DHRSX: variants seen among roughly 807,000 people sequenced by gnomAD.
DHRSX encodes the protein polyprenol dehydrogenase.
In DHRSX, 31 loss-of-function variants were observed where a neutral mutation model predicts 34.0. That is an observed-to-expected ratio of 0.91 (90% CI 0.69 to 1.23). The LOEUF is 1.23. DHRSX is among the 50% of genes most tolerant of loss of function. The probability of loss-of-function intolerance (pLI) is 0.00; values close to 1 mark genes in which losing one functional copy is unlikely to be tolerated. For missense variants in DHRSX, 414 were observed against 428.1 expected, an observed-to-expected ratio of 0.97 and a Z score of 0.29; for synonymous variants, 201 against 183.8, an observed-to-expected ratio of 1.09 and a Z score of -0.76.
At chrX:2,332,872 G>T (rs1379947591) in intron 3 of DHRSX, among the ~76,000 whole-genome samples, 3 of 152,126 alleles carry the variant, frequency 2.0e-5, no homozygotes, top group Non-Finnish European at 4.4e-5. Flanking sequence ...GTTGTCTAAC[G>T]TGTATTCAGA....
intron 3 of DHRSX, among the ~76,000 whole-genome samples, chrX:2,323,879 G>C (rs1480897064): frequency 1.3e-5 from 2 of 151,974 alleles, no homozygotes; most frequent in Admixed American, 6.6e-5. Context: ...CAGGGGTTAA[G>C]AAGAAATGAC....
intron 3 of DHRSX, among the ~76,000 whole-genome samples, chrX:2,342,537 T>C (rs2042653782): frequency 6.6e-6 from 1 of 151,746 alleles, no homozygotes; most frequent in African/African-American, 2.4e-5. Context: ...TGTCTGAGCA[T>C]AAAAATAGCC....
chrX:2,485,822 A>AAGAAG (rs1453973978), intron 1 of DHRSX, among the ~76,000 whole-genome samples: 1 of 63,428 alleles, frequency 1.6e-5, no homozygotes. Context: ...GAGAGAAGGA[A>AAGAAG]GGAAGGGAGA....
chrX:2,494,329 A>C (rs2045229887), intron 1 of DHRSX, among the ~76,000 whole-genome samples: 1 of 151,964 alleles, frequency 6.6e-6, no homozygotes, highest in South Asian at 2.1e-4. Context: ...TTTTCATTCT[A>C]TCATTATTAT....
At chrX:2,322,109 T>A (rs1480875692) in intron 3 of DHRSX, among the ~76,000 whole-genome samples, 1 of 151,872 alleles carries the variant, frequency 6.6e-6, no homozygotes, top group Non-Finnish European at 1.5e-5. Context: ...GTAGTGTTTA[T>A]CCCTCACCCC....
At chrX:2,414,648 C>T (rs1158428162) in intron 2 of DHRSX, among the ~76,000 whole-genome samples, 1 of 151,924 alleles carries the variant, frequency 6.6e-6, no homozygotes, top group Non-Finnish European at 1.5e-5. Flanking sequence ...CATAACCTAA[C>T]CCAACTAGGT....
intron 3 of DHRSX, among the ~76,000 whole-genome samples, chrX:2,347,689 CTAAA>C (rs1875106249): frequency 6.6e-6 from 1 of 152,076 alleles, no homozygotes; most frequent in Admixed American, 6.6e-5. Context: ...GACTCTGTCT[CTAAA>C]TAAATAAATA....
chrX:2,463,493 T>TGGGG (rs1455613769), intron 1 of DHRSX, among the ~76,000 whole-genome samples: 122 of 138,926 alleles, frequency 8.8e-4, no homozygotes, highest in Non-Finnish European at 1.2e-3. Flanking sequence ...TCTGATGCGA[T>TGGGG]GGGGGCATCT....
chrX:2,490,053 G>A, intron 1 of DHRSX: 1 of 1,613,796 alleles, frequency 6.2e-7, no homozygotes, highest in Middle Eastern at 1.7e-4. Flanking sequence ...AGGCAGTTGG[G>A]GGCGCCCAGG....
At chrX:2,324,769 CTTTTTTT>C (rs570670358) in intron 3 of DHRSX, among the ~76,000 whole-genome samples, 1 of 131,030 alleles carries the variant, frequency 7.6e-6, no homozygotes, top group Non-Finnish European at 1.6e-5. Flanking sequence ...TTTTTCTTTT[CTTTTTTT>C]TTTTTTTTTT....
chrX:2,243,822 T>TTTTTTTTTTTTTTTTTTTA (rs2016214300), intron 5 of DHRSX, among the ~76,000 whole-genome samples: 1 of 121,542 alleles, frequency 8.2e-6, no homozygotes, highest in Non-Finnish European at 1.6e-5. Context: ...TTTTTTTTTT[T>TTTTTTTTTTTTTTTTTTTA]GAGACAGATT....
intron 2 of DHRSX, among the ~76,000 whole-genome samples, chrX:2,424,769 CTGAATT>C (rs2043821468): frequency 6.6e-6 from 1 of 152,104 alleles, no homozygotes; most frequent in African/African-American, 2.4e-5. Context: ...CTGGATCTGA[CTGAATT>C]TTCTATATGC....
chrX:2,366,265 A>G (rs2042993002), intron 3 of DHRSX, among the ~76,000 whole-genome samples: 1 of 152,002 alleles, frequency 6.6e-6, no homozygotes, highest in East Asian at 1.9e-4. Context: ...AACCTAGTAA[A>G]ACCCCATCTC....
intron 4 of DHRSX, among the ~76,000 whole-genome samples, chrX:2,288,910 C>A (rs977851532): frequency 6.6e-6 from 1 of 152,096 alleles, no homozygotes; most frequent in Non-Finnish European, 1.5e-5. Context: ...AGAAAAGGAA[C>A]AGAGGAGAAT....
At chrX:2,344,810 C>G (rs2042680719) in intron 3 of DHRSX, among the ~76,000 whole-genome samples, 1 of 141,296 alleles carries the variant, frequency 7.1e-6, no homozygotes, top group South Asian at 2.2e-4. Flanking sequence ...ACATGTATAC[C>G]TATGTAACAA....
chrX:2,259,498 C>G (rs2041334159), intron 5 of DHRSX, among the ~76,000 whole-genome samples: 1 of 151,906 alleles, frequency 6.6e-6, no homozygotes, highest in Admixed American at 6.6e-5. Context: ...CTGGCTCTGG[C>G]TCTCAAGCCC....
intron 1 of DHRSX, among the ~76,000 whole-genome samples, chrX:2,457,046 G>A (rs1232976139): frequency 2.0e-5 from 3 of 152,088 alleles, no homozygotes; most frequent in Non-Finnish European, 2.9e-5. Flanking sequence ...CACTGTGCCT[G>A]GGATGGGTGG....
At chrX:2,246,734 AAG>A (rs1372399201) in intron 5 of DHRSX, among the ~76,000 whole-genome samples, 4 of 115,936 alleles carry the variant, frequency 3.5e-5, no homozygotes, top group Admixed American at 8.4e-5. Flanking sequence ...GAAAGAAAGA[AAG>A]AAAGAAAGAA....
At chrX:2,314,842 A>G (rs1362151885) in intron 3 of DHRSX, among the ~76,000 whole-genome samples, 3 of 152,044 alleles carry the variant, frequency 2.0e-5, no homozygotes, top group African/African-American at 7.2e-5. Context: ...TTGAAACACT[A>G]TGGCTCGGAA....
Sources: allele counts gnomAD v4.1 joint callset (sites outside exome capture counted in the v4.1 genomes callset), GRCh38; gene constraint gnomAD v4.1.1; transcripts MANE v1.5; gene names NCBI Gene and HGNC (gene_info 2026-07-23, HGNC 2026-07-21).